The following SLC7A14 variants were observed in gnomAD, a reference collection of about 807,000 sequenced individuals.
SLC7A14 encodes the protein solute carrier family 7 member 14, also known as gamma-aminobutyric acid transporter SLC7A14.
In SLC7A14, 37 loss-of-function variants were observed where a neutral mutation model predicts 60.2. That is an observed-to-expected ratio of 0.61 (90% CI 0.47 to 0.81). The LOEUF (loss-of-function observed/expected upper bound fraction) is 0.81. Ranked by LOEUF, SLC7A14 falls within the 30% of genes least tolerant of loss-of-function variation. The pLI, the probability that SLC7A14 is intolerant of heterozygous loss-of-function variation, is 0.00. For missense variants in SLC7A14, 886 were observed against 982.7 expected, an observed-to-expected ratio of 0.90 and a Z score of 1.32; for synonymous variants, 399 against 395.8, an observed-to-expected ratio of 1.01 and a Z score of -0.10.
At position 170,501,146 on chromosome 3, in the gene SLC7A14, G is replaced by A. The variant is rs374142447; in HGVS notation, c.504C>T (p.Arg168=). The A allele has an allele frequency of 5.0e-6, 8 of 1,614,256 alleles. No homozygotes were observed. The highest frequency in any genetic ancestry group is 6.8e-6 in the Non-Finnish European group (8 of 1,180,050). Residue 168 remains arginine (R), a synonymous_variant, in exon 3 of 8, where the codon CGC becomes CGT. Coordinates refer to ENST00000231706, the MANE Select transcript of SLC7A14 (RefSeq NM_020949.3). ...GGGTTCCCACGCTGTCCGCCATCCA[G>A]CGGCTGATGGTGTGGTTGGCTAGTG... ...FDSLANHTIS[R]WMADSVGTLN...
intron 1 of SLC7A14, among the ~76,000 whole-genome samples, chr3:170,552,089 T>C (rs1714368991): frequency 6.6e-6 from 1 of 152,198 alleles, no homozygotes; most frequent in Non-Finnish European, 1.5e-5. Context: ...AATTTTTGAA[T>C]AACAACTGAG....
chr3:170,466,801 A>G lies in SLC7A14; in HGVS notation c.*254T>C, dbSNP rs1257021774. ...ATCAGCTCTGGTGGTTGCACCTAAG[A>G]TGGAATTTCATATAGCCTCTTGTTT... On this transcript the variant is annotated 3_prime_UTR_variant, in exon 8 of 8. Coordinates refer to ENST00000231706, the MANE Select transcript of SLC7A14 (RefSeq NM_020949.3). The G allele has an allele frequency of 4.9e-6, 2 of 406,612 alleles. No homozygotes were observed. The highest frequency in any genetic ancestry group is 4.3e-5 in the Admixed American group (1 of 23,492). 25.2% of individuals were successfully genotyped at this position (406,612 alleles called of 1,614,324 possible). A position where few individuals can be genotyped will look rare whatever the true frequency, so the allele number is the denominator to read the frequency against.
chr3:170,513,175 G>T (rs1032052598), intron 2 of SLC7A14, among the ~76,000 whole-genome samples: 1 of 151,916 alleles, frequency 6.6e-6, no homozygotes, highest in African/African-American at 2.4e-5. Flanking sequence ...GGATACACTG[G>T]GGGGCTTCTT....
chr3:170,498,752 C>G lies in SLC7A14; in HGVS notation c.674G>C (p.Trp225Ser), dbSNP rs1456825164. The G allele has an allele frequency of 1.2e-6, 2 of 1,614,182 alleles. No individual in the cohort carries two copies. Among genetic ancestry groups the G allele is most frequent in the South Asian group, 1.1e-5 (1 of 91,080 alleles). ...NVLNVLNLAVWVFIMIAGLFF... is the reference protein window; with the variant it reads ...NVLNVLNLAVSVFIMIAGLFF... ...GAGGCCTGCGATCATGATGAACACC[C>G]ATACTGCCAGGTTCAGCACATTGAG... The change falls in exon 4 of 8, where the codon TGG becomes TCG. Residue 225 changes from tryptophan (W) to serine (S), a missense_variant. Physicochemically the swap from Trp to Ser is radical, Grantham distance 177. Coordinates refer to ENST00000231706, the MANE Select transcript of SLC7A14 (RefSeq NM_020949.3).
chr3:170,560,091 G>A lies in SLC7A14; in HGVS notation c.-153+25820C>T, dbSNP rs980371206. ...TGAATCAGACCTTACATTAGCTATCGGGTTGGAGAGAAACAGCACAGGAGG... is the reference window on the plus strand; with the variant it reads ...TGAATCAGACCTTACATTAGCTATCAGGTTGGAGAGAAACAGCACAGGAGG... On this transcript the variant is annotated intron_variant, in intron 1 of 7. Transcript: ENST00000231706. Among the ~76,000 whole-genome samples, 8 of 152,128 alleles carry A rather than the reference G, an allele frequency of 5.3e-5. No homozygotes were observed. The East Asian group carries it at 1.3e-3, about 26-fold the overall frequency.
At chr3:170,569,520 C>A (rs913190665) in intron 1 of SLC7A14, among the ~76,000 whole-genome samples, 1 of 151,966 alleles carries the variant, frequency 6.6e-6, no homozygotes, top group African/African-American at 2.4e-5. Flanking sequence ...ATGATGCTGG[C>A]CTCATAAAAT....
intron 4 of SLC7A14, among the ~76,000 whole-genome samples, chr3:170,488,760 G>C (rs2108273454): frequency 6.6e-6 from 1 of 152,260 alleles, no homozygotes; most frequent in Admixed American, 6.5e-5. Flanking sequence ...GAAAACATTG[G>C]GGGAAAATCT....
intron 1 of SLC7A14, among the ~76,000 whole-genome samples, chr3:170,558,184 G>A (rs1268267483): frequency 8.5e-5 from 13 of 152,060 alleles, no homozygotes; most frequent in Admixed American, 7.2e-4. Flanking sequence ...CCTGGCCAAT[G>A]TGGCGAAATT....
chr3:170,527,093 A>C lies in SLC7A14; in HGVS notation c.-152-5T>G, dbSNP rs901293049. ...CCTTCTCCTGGGCATGAATGTCTGC[A>C]GGAAAAACACAAGAAAGCAGAAGAT... is the stretch of plus-strand genomic sequence containing the variant. On this transcript the variant is annotated splice_polypyrimidine_tract_variant and splice_region_variant and intron_variant, in intron 1 of 7. Coordinates refer to ENST00000231706, the MANE Select transcript of SLC7A14 (RefSeq NM_020949.3). 1.8e-5 allele frequency: 13 copies of C among 738,110 alleles called. No individual in the cohort carries two copies. Among genetic ancestry groups the C allele is most frequent in the Non-Finnish European group, 2.6e-5 (12 of 463,406 alleles). 45.7% of individuals were successfully genotyped at this position (738,110 alleles called of 1,614,324 possible).
At chr3:170,520,432 GAGCAATGGGACCCAAT>G (rs1278854051) in intron 2 of SLC7A14, among the ~76,000 whole-genome samples, 8 of 152,188 alleles carry the variant, frequency 5.3e-5, no homozygotes, top group African/African-American at 1.7e-4. Context: ...CTCCATCAAT[GAGCAATGGGACCCAAT>G]AGCAATGGGT....
rs563270244 is a variant in SLC7A14, at chr3:170,563,620, C to T, written c.-153+22291G>A. ...TTTTTTAGTAGAGACAGGGTTTCAC[C>T]ATGTTGGTCAGGCTAGTCTCGAACT... is the stretch of plus-strand genomic sequence containing the variant. On this transcript the variant is annotated intron_variant, in intron 1 of 7. Transcript: ENST00000231706. 3.3e-5 allele frequency among the ~76,000 whole-genome samples: 5 copies of T among 152,088 alleles called. No individual in the cohort carries two copies. In the East Asian group the frequency reaches 9.7e-4, roughly 29 times the overall value.
chr3:170,520,753 G>A (rs1229877863), intron 2 of SLC7A14, among the ~76,000 whole-genome samples: 2 of 152,122 alleles, frequency 1.3e-5, no homozygotes, highest in South Asian at 4.2e-4. Context: ...TCTGTTTGAG[G>A]AACAATTTTA....
At chr3:170,480,252 A>G (rs1186023779) in intron 7 of SLC7A14, 37 bp downstream of exon 7, 1 of 1,511,416 alleles carries the variant, frequency 6.6e-7, no homozygotes, top group East Asian at 2.3e-5. Context: ...TAAGACCTTA[A>G]AAGGGAACTC....
intron 2 of SLC7A14, among the ~76,000 whole-genome samples, chr3:170,513,476 A>G (rs1206648175): frequency 6.6e-6 from 1 of 152,244 alleles, no homozygotes; most frequent in Non-Finnish European, 1.5e-5. Context: ...AGAGTTAATA[A>G]GGTCTACAGA....
chr3:170,482,574 C>A (rs919930337), intron 6 of SLC7A14, among the ~76,000 whole-genome samples: 1 of 152,230 alleles, frequency 6.6e-6, no homozygotes, highest in African/African-American at 2.4e-5. Context: ...GGCCACATCC[C>A]CTTTGTACCA....
chr3:170,481,274 T>C, intron 6 of SLC7A14, 108 bp from the exon 7 acceptor site: 2 of 1,182,838 alleles, frequency 1.7e-6, no homozygotes, highest in Non-Finnish European at 2.3e-6. Flanking sequence ...GATTAACTCC[T>C]CCTGGTCCTG....
rs114286278 is a variant in SLC7A14, at chr3:170,480,749, G to A, written c.1533C>T (p.Tyr511=). ...TGCCTGTGGTCATGTCCACGGTGCC[G>A]TAATTGGGGTGGTTGACGTTGTAGG... The part of the protein sequence containing the change: ...KSTYNVNHPN[Y]GTVDMTTGIE... Residue 511 remains tyrosine (Y), a synonymous_variant, in exon 7 of 8, where the codon TAC becomes TAT. Coordinates refer to ENST00000231706, the MANE Select transcript of SLC7A14 (RefSeq NM_020949.3). 2,437 of 1,614,196 alleles carry A rather than the reference G, an allele frequency of 1.5e-3. 36 individuals are homozygous for A. In the African/African-American group the frequency reaches 0.029, roughly 19 times the overall value.
At chr3:170,495,463 A>G (rs1420896209) in intron 4 of SLC7A14, among the ~76,000 whole-genome samples, 1 of 152,192 alleles carries the variant, frequency 6.6e-6, no homozygotes, top group African/African-American at 2.4e-5. Context: ...GTGACCCAGA[A>G]GTCCTACAAG....
At chr3:170,521,213 C>G (rs1386797618) in intron 2 of SLC7A14, among the ~76,000 whole-genome samples, 1 of 152,140 alleles carries the variant, frequency 6.6e-6, no homozygotes. Context: ...AGGAGCTTGG[C>G]AAGTTGCTAT....
Sources: gnomAD v4.1 joint callset for allele counts (sites outside exome capture counted in the v4.1 genomes callset) on GRCh38, gnomAD v4.1.1 for gene constraint, MANE v1.5 for transcripts, NCBI Gene and HGNC (gene_info 2026-07-23, HGNC 2026-07-21) for gene names.